ZBBX: variants seen among roughly 807,000 people sequenced by gnomAD.
The protein encoded by ZBBX is zinc finger B-box domain-containing protein 1.
Under a neutral mutation model 108.5 loss-of-function variants are expected in ZBBX, and 101 were observed. The observed-to-expected ratio is 0.93, with a 90% CI of 0.79 to 1.10. The LOEUF is 1.10. Among genes scored for constraint, ZBBX ranks in the 50% least tolerant of loss-of-function variants. ZBBX has a pLI of 0.00. For missense variants in ZBBX, 1,009 were observed against 941.4 expected (o/e 1.07, Z -0.94); for synonymous variants, 356 against 323.4 (o/e 1.10, Z -1.08).
chr3:167,243,748 CTTT>C (rs148483655), intron 20 of ZBBX, among the ~76,000 whole-genome samples: 26,400 of 72,012 alleles, frequency 0.37, 2,765 homozygotes, highest in South Asian at 0.4. Flanking sequence ...GTGGACTTGA[CTTT>C]TTTTTTTTTT....
At chr3:167,356,437 C>T (rs761995510) in intron 8 of ZBBX, among the ~76,000 whole-genome samples, 9 of 151,970 alleles carry the variant, frequency 5.9e-5, no homozygotes, top group Non-Finnish European at 1.3e-4. Flanking sequence ...ATAAACCTAA[C>T]AATATAGATT....
chr3:167,339,402 T>C (rs921300110), intron 9 of ZBBX, among the ~76,000 whole-genome samples: 1 of 152,158 alleles, frequency 6.6e-6, no homozygotes, highest in Admixed American at 6.6e-5. Context: ...GGAGGCTATA[T>C]CTTGATTTAG....
At chr3:167,260,435 C>G (rs969110414) in intron 20 of ZBBX, among the ~76,000 whole-genome samples, 1 of 152,148 alleles carries the variant, frequency 6.6e-6, no homozygotes, top group Non-Finnish European at 1.5e-5. Flanking sequence ...TTTTCAAGCT[C>G]TTAGAATTCT....
the ZBBX span, among the ~76,000 whole-genome samples, chr3:167,205,976 T>A: frequency 6.6e-6 from 1 of 152,124 alleles, no homozygotes; most frequent in South Asian, 2.1e-4. Context: ...ATCATCTATA[T>A]CTTTGTGTGC....
At chr3:167,242,398 T>C (rs1259770597) in intron 21 of ZBBX, 107 bp downstream of exon 21, 1 of 929,942 alleles carries the variant, frequency 1.1e-6, no homozygotes, top group South Asian at 2.2e-5. Context: ...TCATATAAAG[T>C]ATACACATGA....
intron 4 of ZBBX, among the ~76,000 whole-genome samples, chr3:167,372,080 G>A (rs751898800): frequency 2.0e-5 from 3 of 152,108 alleles, no homozygotes; most frequent in South Asian, 2.1e-4. Flanking sequence ...GCATGGTAGC[G>A]TGCGCCTGTA....
chr3:167,297,847 C>T (rs1731939373), intron 18 of ZBBX, among the ~76,000 whole-genome samples: 1 of 151,794 alleles, frequency 6.6e-6, no homozygotes, highest in Admixed American at 6.6e-5. Flanking sequence ...CCACCTCAGA[C>T]CCATGAGGAT....
chr3:167,198,542 G>GA, the ZBBX span, among the ~76,000 whole-genome samples: 20 of 152,132 alleles, frequency 1.3e-4, no homozygotes, highest in South Asian at 3.5e-3. Flanking sequence ...ATTTCAAACA[G>GA]AAAAATGAAT....
At chr3:167,194,698 C>T in the ZBBX span, among the ~76,000 whole-genome samples, 1 of 152,298 alleles carries the variant, frequency 6.6e-6, no homozygotes, top group African/African-American at 2.4e-5. Flanking sequence ...TCCTCATTTT[C>T]CTCAAATGGA....
At chr3:167,299,108 G>A (rs543305367) in intron 17 of ZBBX, among the ~76,000 whole-genome samples, 1 of 151,892 alleles carries the variant, frequency 6.6e-6, no homozygotes, top group African/African-American at 2.4e-5. Flanking sequence ...ATATAACTGG[G>A]ATTTTAAAAA....
At chr3:167,327,796 C>T in intron 11 of ZBBX, 146 bp downstream of exon 11, 2 of 789,758 alleles carry the variant, frequency 2.5e-6, no homozygotes, top group Middle Eastern at 3.9e-4. Flanking sequence ...CACTTGTAAT[C>T]CCAGCTACTC....
In ZBBX at chr3:167,319,181, G is replaced by T. The variant is rs572141866; in HGVS notation, c.984-1584C>A. Among the ~76,000 whole-genome samples, 3 of 152,030 alleles carry T rather than the reference G, an allele frequency of 2.0e-5. No individual in the cohort carries two copies. The East Asian group carries it at 5.8e-4, about 29-fold the overall frequency. ...ATTTTTAAAGGACCTAGTGATAATT[G>T]CCAAAAACTGGAAACCAGCCAGAAC... On this transcript the variant is annotated intron_variant, in intron 12 of 21. Coordinates refer to ENST00000675490, the MANE Select transcript of ZBBX (RefSeq NM_001199201.2).
At chr3:167,397,088 T>C (rs1157208570) in intron 1 of ZBBX, among the ~76,000 whole-genome samples, 1 of 139,100 alleles carries the variant, frequency 7.2e-6, no homozygotes, top group African/African-American at 2.8e-5. Flanking sequence ...AGCATTCAAC[T>C]ACTCACCTTA....
intron 4 of ZBBX, among the ~76,000 whole-genome samples, chr3:167,369,061 T>C (rs1043741087): frequency 1.3e-5 from 2 of 152,140 alleles, no homozygotes; most frequent in African/African-American, 4.8e-5. Context: ...GAGGAAAAGG[T>C]AGTACCTGTT....
At chr3:167,319,672 G>C (rs190012195) in intron 12 of ZBBX, among the ~76,000 whole-genome samples, 39 of 152,056 alleles carry the variant, frequency 2.6e-4, no homozygotes, top group Non-Finnish European at 1.6e-4. Context: ...CTGTACTCTA[G>C]GTGGAAAATT....
chr3:167,189,519 A>G, the ZBBX span, among the ~76,000 whole-genome samples: 1 of 152,218 alleles, frequency 6.6e-6, no homozygotes, highest in Non-Finnish European at 1.5e-5. Flanking sequence ...ACACACATCC[A>G]CACACACCAG....
the ZBBX span, among the ~76,000 whole-genome samples, chr3:167,216,421 G>T: frequency 6.6e-6 from 1 of 151,578 alleles, no homozygotes; most frequent in East Asian, 2.0e-4. Context: ...AGCCAGGGAG[G>T]TGAGAGATCT....
chr3:167,287,508 T>C (rs1194145741), intron 19 of ZBBX, among the ~76,000 whole-genome samples: 1 of 152,062 alleles, frequency 6.6e-6, no homozygotes, highest in African/African-American at 2.4e-5. Context: ...TCTTAAGCAA[T>C]AGAGATAAGA....
intron 15 of ZBBX, among the ~76,000 whole-genome samples, chr3:167,315,086 A>C (rs931174398): frequency 2.0e-5 from 3 of 152,142 alleles, no homozygotes; most frequent in African/African-American, 7.2e-5. Flanking sequence ...CGGGGGCCTA[A>C]ACTGATCTGA....
Sources: gnomAD v4.1 joint callset for allele counts (sites outside exome capture counted in the v4.1 genomes callset) on GRCh38, gnomAD v4.1.1 for gene constraint, MANE v1.5 for transcripts, NCBI Gene and HGNC (gene_info 2026-07-23, HGNC 2026-07-21) for gene names.